ADCY9: variants seen among roughly 807,000 people sequenced by gnomAD.
ADCY9 encodes adenylate cyclase type 9.
A neutral mutation model predicts 101.5 loss-of-function variants in ADCY9; 50 were observed. The observed-to-expected ratio is 0.49, with a 90% confidence interval of 0.39 to 0.62. The LOEUF is 0.62. Among genes scored for constraint, ADCY9 ranks in the 20% least tolerant of loss-of-function variants. The pLI, the probability that ADCY9 is intolerant of heterozygous loss-of-function variation, is 0.00. For missense variants in ADCY9, 1,662 were observed against 1,800.4 expected (o/e 0.92, Z 1.39); for synonymous variants, 905 against 769.3 (o/e 1.18, Z -2.92).
At chr16:3,955,924 T>C (rs1366196431) in intron 5 of ADCY9, among the ~76,000 whole-genome samples, 1 of 151,962 alleles carries the variant, frequency 6.6e-6, no homozygotes, top group East Asian at 1.9e-4. Flanking sequence ...AGTGCAGTAG[T>C]GAGATCATAG....
intron 2 of ADCY9, among the ~76,000 whole-genome samples, chr16:4,106,001 T>A (rs997460528): frequency 2.0e-5 from 3 of 152,188 alleles, no homozygotes; most frequent in Non-Finnish European, 2.9e-5. Context: ...CCACCACTAC[T>A]GCTACAACTC....
chr16:4,027,940 C>G (rs1241112829), intron 2 of ADCY9, among the ~76,000 whole-genome samples: 1 of 151,270 alleles, frequency 6.6e-6, no homozygotes, highest in Non-Finnish European at 1.5e-5. Flanking sequence ...ATCACGAGAA[C>G]AGCATGGGAA....
chr16:3,993,597 C>A, intron 3 of ADCY9, 87 bp from the exon 4 acceptor site: 1 of 1,522,962 alleles, frequency 6.6e-7, no homozygotes, highest in East Asian at 2.3e-5. Context: ...TGCCATCTGC[C>A]GTCACGCAGC....
At chr16:4,018,430 C>G (rs1339933473) in intron 2 of ADCY9, among the ~76,000 whole-genome samples, 1 of 152,260 alleles carries the variant, frequency 6.6e-6, no homozygotes, top group South Asian at 2.1e-4. Context: ...CCAGGCTGGT[C>G]TTGAACTCCT....
chr16:4,111,982 A>G (rs1432533824), intron 2 of ADCY9, among the ~76,000 whole-genome samples: 1 of 152,118 alleles, frequency 6.6e-6, no homozygotes, highest in African/African-American at 2.4e-5. Flanking sequence ...CACCCTCTTC[A>G]TTTTTGAAAT....
At position 3,984,510 on chromosome 16, in the gene ADCY9, C is replaced by T. The variant is rs77400073; in HGVS notation, c.2311-1070G>A. Among the ~76,000 whole-genome samples, 123 of 152,244 alleles carry T rather than the reference C, an allele frequency of 8.1e-4. 1 individual carries two copies. The East Asian group carries it at 0.016, about 20-fold the overall frequency. ...GATCTCCATTGACGCTCACGGCACC[C>T]CACAGGCAGGAACTACCACCCATCT... On this transcript the variant is annotated intron_variant, in intron 6 of 10. Coordinates refer to ENST00000294016, the MANE Select transcript of ADCY9 (RefSeq NM_001116.4).
rs544296005 is a variant in ADCY9, at chr16:4,013,645, T to C, written c.1694-6087A>G. Among the ~76,000 whole-genome samples, 11 of 152,322 alleles carry C rather than the reference T, an allele frequency of 7.2e-5. No homozygotes were observed. The South Asian group carries it at 2.1e-3, about 29-fold the overall frequency. ...TTCCAAAAACGTCTTTCACTTTGCATTGCATTCTTCCTCACGACTAGGTCG... is the reference window on the plus strand; with the variant it reads ...TTCCAAAAACGTCTTTCACTTTGCACTGCATTCTTCCTCACGACTAGGTCG... On this transcript the variant is annotated intron_variant, in intron 2 of 10. Coordinates refer to ENST00000294016, the MANE Select transcript of ADCY9 (RefSeq NM_001116.4).
In ADCY9 at chr16:3,966,264, G is replaced by A; in HGVS notation, c.3573C>T (p.Val1191=). 1 of 1,614,220 alleles carries A rather than the reference G, an allele frequency of 6.2e-7. No homozygotes were observed. The highest frequency in any genetic ancestry group is 1.3e-5 in the African/African-American group (1 of 75,068). The change falls in exon 11 of 11, where the codon GTC becomes GTT. Residue 1191 remains valine (V), a synonymous_variant. Coordinates refer to ENST00000294016, the MANE Select transcript of ADCY9 (RefSeq NM_001116.4). ...TGGTGTCCATCCTGCTGGCGATGTT[G>A]ACGGTGTCTCCCCAGATGTCGTACA... is the stretch of plus-strand genomic sequence containing the variant. ...KLLYDIWGDT[V]NIASRMDTTG... is the part of the protein sequence containing the mutation.
intron 3 of ADCY9, among the ~76,000 whole-genome samples, chr16:3,995,695 G>A (rs747056527): frequency 2.6e-5 from 4 of 151,710 alleles, no homozygotes; most frequent in Non-Finnish European, 5.9e-5. Flanking sequence ...TATTATTTTG[G>A]AAATTTAAAG....
intron 10 of ADCY9, among the ~76,000 whole-genome samples, chr16:3,968,748 C>G (rs938744072): frequency 4.6e-5 from 7 of 152,126 alleles, no homozygotes; most frequent in Non-Finnish European, 1.0e-4. Context: ...TATCTTTGTG[C>G]GTATGGAAGT....
chr16:4,088,762 A>G (rs1393641804), intron 2 of ADCY9, among the ~76,000 whole-genome samples: 1 of 151,964 alleles, frequency 6.6e-6, no homozygotes, highest in Non-Finnish European at 1.5e-5. Context: ...TTGTACTACA[A>G]TATACTCTAA....
chr16:4,023,387 C>T (rs1038247775), intron 2 of ADCY9, among the ~76,000 whole-genome samples: 10 of 152,154 alleles, frequency 6.6e-5, no homozygotes, highest in African/African-American at 1.9e-4. Context: ...GAGTCAGGGA[C>T]GTCCTTTCTG....
intron 2 of ADCY9, among the ~76,000 whole-genome samples, chr16:4,089,543 A>G (rs1392224631): frequency 3.9e-5 from 6 of 152,010 alleles, no homozygotes; most frequent in Non-Finnish European, 5.9e-5. Flanking sequence ...GAACATTCCT[A>G]TAAGTTTTTG....
At chr16:4,080,350 T>G (rs1368626196) in intron 2 of ADCY9, among the ~76,000 whole-genome samples, 1 of 152,180 alleles carries the variant, frequency 6.6e-6, no homozygotes, top group African/African-American at 2.4e-5. Context: ...CTCAAGTGAT[T>G]CTCCTGCCTT....
In ADCY9 at chr16:3,979,254, G is replaced by A. The variant is rs199815641; in HGVS notation, c.2541C>T (p.Asp847=). 37 of 1,613,884 alleles carry A rather than the reference G, an allele frequency of 2.3e-5. No individual in the cohort carries two copies. In the Middle Eastern group the frequency reaches 5.0e-4, roughly 22 times the overall value. ...VSIRMVFFLE[D]VMACTKRLLE... ...GCAGGCGCTTGGTGCAGGCCATGAC[G>A]TCCTCCAGGAAGAACACCATCCTGC... Residue 847 remains aspartate, a synonymous_variant, in exon 8 of 11, where the codon GAC becomes GAT. Transcript: ENST00000294016.
rs370105642 is a variant in ADCY9, at chr16:3,969,158, G to T, written c.2871-2192C>A. On this transcript the variant is annotated intron_variant, in intron 10 of 10. Coordinates refer to ENST00000294016, the MANE Select transcript of ADCY9 (RefSeq NM_001116.4). ...TTTGATAACTGAGCCTGCTTTCAGC[G>T]GGGCTGTCTCCACTTCAGTGGCACT... Among the ~76,000 whole-genome samples the T allele has an allele frequency of 9.2e-5, 14 of 152,084 alleles. No homozygotes were observed. The East Asian group carries it at 1.6e-3, about 17-fold the overall frequency.
chr16:4,014,363 G>A (rs2056423847), intron 2 of ADCY9, among the ~76,000 whole-genome samples: 1 of 151,128 alleles, frequency 6.6e-6, no homozygotes, highest in Admixed American at 6.6e-5. Context: ...AATAAAATAT[G>A]AGATGGATTT....
intron 10 of ADCY9, among the ~76,000 whole-genome samples, chr16:3,971,623 T>C (rs916528225): frequency 2.6e-5 from 4 of 152,098 alleles, no homozygotes; most frequent in African/African-American, 9.7e-5. Flanking sequence ...AGCCCTCTGG[T>C]TGATTGTAAA....
intron 2 of ADCY9, among the ~76,000 whole-genome samples, chr16:4,019,785 G>A (rs2056462534): frequency 6.6e-6 from 1 of 152,144 alleles, no homozygotes. Context: ...ACTTAGAGAA[G>A]AAGAGATACA....
Sources: allele counts gnomAD v4.1 joint callset (sites outside exome capture counted in the v4.1 genomes callset), GRCh38; gene constraint gnomAD v4.1.1; transcripts MANE v1.5; gene names NCBI Gene and HGNC (gene_info 2026-07-23, HGNC 2026-07-21).